HUNK: variants seen among roughly 807,000 people sequenced by gnomAD.
The protein encoded by HUNK is hormonally up-regulated Neu-associated kinase, also known as hormonally up-regulated neu tumor-associated kinase.
In HUNK, 21 loss-of-function variants were observed where a neutral mutation model predicts 61.0. The observed-to-expected ratio is 0.34, with a 90% CI of 0.24 to 0.50. The LOEUF is 0.50. HUNK is among the 20% of genes least tolerant of loss of function. HUNK has a pLI of 0.98. For synonymous variants in HUNK, 371 were observed against 386.1 expected, an observed-to-expected ratio of 0.96 and a Z score of 0.46; for missense variants, 772 against 945.7, an observed-to-expected ratio of 0.82 and a Z score of 2.41.
chr21:31,894,436 C>A (rs1014887038), intron 1 of HUNK, among the ~76,000 whole-genome samples: 1 of 152,148 alleles, frequency 6.6e-6, no homozygotes, highest in African/African-American at 2.4e-5. Flanking sequence ...GGGGAAATTT[C>A]CCAGTTGTAA....
At chr21:31,919,124 T>G (rs554438035) in intron 1 of HUNK, among the ~76,000 whole-genome samples, 3,076 of 74,032 alleles carry the variant, frequency 0.042, 119 homozygotes, top group Non-Finnish European at 0.056. Flanking sequence ...GGTATGAGGA[T>G]GAGGGGCTGG....
intron 8 of HUNK, among the ~76,000 whole-genome samples, chr21:31,986,687 C>T (rs1457630541): frequency 1.3e-5 from 2 of 152,194 alleles, no homozygotes; most frequent in Admixed American, 6.5e-5. Context: ...CAGTCCACAG[C>T]CTTCGGGCTT....
intron 8 of HUNK, among the ~76,000 whole-genome samples, chr21:31,985,621 G>A (rs942659188): frequency 6.6e-6 from 1 of 152,202 alleles, no homozygotes; most frequent in Non-Finnish European, 1.5e-5. Flanking sequence ...GTGGGCAGCC[G>A]GCAGGGGGCG....
rs1171570094 is a variant in HUNK at position 31,974,961 on chromosome 21, C to G, written c.1173+244C>G. Among the ~76,000 whole-genome samples, 5 of 151,638 alleles carry G rather than the reference C, an allele frequency of 3.3e-5. No individual in the cohort carries two copies. In the East Asian group the frequency reaches 9.7e-4, roughly 29 times the overall value. On this transcript the variant is annotated intron_variant, in intron 7 of 10. Coordinates refer to ENST00000270112, the MANE Select transcript of HUNK (RefSeq NM_014586.2). Reference sequence around the variant, plus strand: ...GCCCTGGGCAGAATTGGGAGGGGTTCAAGCCTCTTTTTCCTTCAACAGCAT... The same window carrying G: ...GCCCTGGGCAGAATTGGGAGGGGTTGAAGCCTCTTTTTCCTTCAACAGCAT...
intron 6 of HUNK, among the ~76,000 whole-genome samples, chr21:31,968,763 AGAGT>A (rs1165899077): frequency 1.1e-4 from 16 of 140,184 alleles, no homozygotes; most frequent in Non-Finnish European, 2.3e-4. Flanking sequence ...TGAGAGAGAG[AGAGT>A]GAGTGTCTAT....
rs138530155 is a variant in HUNK at position 31,969,026 on chromosome 21, G to A, written c.1010+641G>A. 1.7e-4 allele frequency among the ~76,000 whole-genome samples: 26 copies of A among 152,060 alleles called. No homozygotes were observed. The East Asian group carries it at 3.9e-3, about 23-fold the overall frequency. On this transcript the variant is annotated intron_variant, in intron 6 of 10. Coordinates refer to ENST00000270112, the MANE Select transcript of HUNK (RefSeq NM_014586.2). ...CCTGAGGAGCTGGGATTACAGGAAC[G>A]TGCCACCACACCAGGCTAATTTTGT...
intron 9 of HUNK, among the ~76,000 whole-genome samples, chr21:31,992,417 G>A (rs1467680588): frequency 1.3e-5 from 2 of 152,270 alleles, no homozygotes; most frequent in Admixed American, 1.3e-4. Context: ...CACATCCGCA[G>A]TGGGTGGAAA....
At chr21:31,935,997 A>G (rs1361750366) in intron 2 of HUNK, among the ~76,000 whole-genome samples, 1 of 151,984 alleles carries the variant, frequency 6.6e-6, no homozygotes, top group East Asian at 1.9e-4. Context: ...GGGTTTCACC[A>G]TTTTGGCCTG....
chr21:31,955,328 C>T (rs576299097), intron 4 of HUNK, among the ~76,000 whole-genome samples: 10 of 147,728 alleles, frequency 6.8e-5, no homozygotes, highest in East Asian at 4.0e-4. Flanking sequence ...GCGGTGCTCA[C>T]GCCTGTAATC....
At chr21:31,990,875 T>C (rs1693810774) in intron 9 of HUNK, among the ~76,000 whole-genome samples, 1 of 152,076 alleles carries the variant, frequency 6.6e-6, no homozygotes, top group Non-Finnish European at 1.5e-5. Context: ...CAGAACCATC[T>C]AGACTGGTGT....
chr21:31,895,187 C>T (rs2052416930), intron 1 of HUNK, among the ~76,000 whole-genome samples: 2 of 152,182 alleles, frequency 1.3e-5, no homozygotes, highest in Non-Finnish European at 2.9e-5. Context: ...AAGACATGCT[C>T]TGGCATATGT....
intron 6 of HUNK, among the ~76,000 whole-genome samples, chr21:31,969,916 T>G (rs1429808834): frequency 6.6e-6 from 1 of 152,162 alleles, no homozygotes; most frequent in African/African-American, 2.4e-5. Context: ...CTAACTAACC[T>G]GAGCGAGGGA....
At chr21:31,938,350 C>A (rs1475824103) in intron 2 of HUNK, among the ~76,000 whole-genome samples, 2 of 152,186 alleles carry the variant, frequency 1.3e-5, no homozygotes, top group African/African-American at 4.8e-5. Context: ...AAACTGGTAG[C>A]CTGCAAGGTT....
intron 2 of HUNK, among the ~76,000 whole-genome samples, chr21:31,932,529 T>G (rs1479715283): frequency 6.6e-6 from 1 of 152,142 alleles, no homozygotes; most frequent in East Asian, 1.9e-4. Flanking sequence ...TGCTTGTGCT[T>G]TTGAAAGAAC....
chr21:31,954,583 C>T (rs1476984353), intron 4 of HUNK, among the ~76,000 whole-genome samples: 4 of 152,214 alleles, frequency 2.6e-5, no homozygotes, highest in South Asian at 2.1e-4. Context: ...GTGCAGTTCT[C>T]ACTGCTGGGC....
chr21:31,912,368 C>T (rs949806183), intron 1 of HUNK, among the ~76,000 whole-genome samples: 2 of 152,108 alleles, frequency 1.3e-5, no homozygotes, highest in African/African-American at 2.4e-5. Flanking sequence ...AAGGGCTGAT[C>T]CCAGCAGGGG....
chr21:31,909,262 C>T (rs1317499249), intron 1 of HUNK, among the ~76,000 whole-genome samples: 3 of 152,178 alleles, frequency 2.0e-5, no homozygotes, highest in Admixed American at 6.5e-5. Context: ...CAATATTCTC[C>T]GTTTTGCATT....
chr21:31,959,229 A>G (rs907280400), intron 5 of HUNK, among the ~76,000 whole-genome samples: 1 of 152,136 alleles, frequency 6.6e-6, no homozygotes, highest in African/African-American at 2.4e-5. Flanking sequence ...TTCTGCACAA[A>G]ACACGTAGAT....
intron 1 of HUNK, among the ~76,000 whole-genome samples, chr21:31,901,322 T>C (rs942044095): frequency 4.6e-4 from 70 of 152,276 alleles, no homozygotes; most frequent in African/African-American, 1.5e-3. Context: ...AGGGTAGAGA[T>C]ACACCCTCAG....
Sources: allele counts gnomAD v4.1 joint callset (sites outside exome capture counted in the v4.1 genomes callset), GRCh38; gene constraint gnomAD v4.1.1; transcripts MANE v1.5; gene names NCBI Gene and HGNC (gene_info 2026-07-23, HGNC 2026-07-21).